The following LRMDA variants were observed in gnomAD, a reference collection of about 807,000 sequenced individuals.
LRMDA encodes the protein leucine-rich melanocyte differentiation-associated protein.
LRMDA carries 18 observed loss-of-function variants against 29.8 expected under a neutral mutation model. The ratio of observed to expected loss-of-function variants is 0.60; its 90% CI spans 0.42 to 0.90. LRMDA has a LOEUF of 0.90. LRMDA is among the 40% of genes least tolerant of loss of function. The probability of loss-of-function intolerance (pLI) is 0.00; values close to 1 mark genes in which losing one functional copy is unlikely to be tolerated. For missense variants in LRMDA, 273 were observed against 273.9 expected, an observed-to-expected ratio of 1.00 and a Z score of 0.02; for synonymous variants, 125 against 109.4, an observed-to-expected ratio of 1.14 and a Z score of -0.89.
Position 76,047,159 on chromosome 10 carries a change from G to A in LRMDA, c.259-5G>A. On this transcript the variant is annotated splice_region_variant and splice_polypyrimidine_tract_variant and intron_variant, in intron 3 of 6. Transcript: ENST00000611255. ...TACTGGACCAAGATTCTTAACCTTT[G>A]TCACATCACTGATTTGGAGAACCTG... 6.2e-7 allele frequency: 1 copy of A among 1,613,882 alleles called. No individual in the cohort carries two copies. Among genetic ancestry groups the A allele is most frequent in the East Asian group, 2.2e-5 (1 of 44,874 alleles).
At chr10:75,714,835 T>TTCCCTTCCTCCTTCTTTCCCTCCC (rs377434405) in intron 2 of LRMDA, among the ~76,000 whole-genome samples, 1 of 125,262 alleles carries the variant, frequency 8.0e-6, no homozygotes, top group Admixed American at 7.6e-5. Flanking sequence ...TCCTCCTTCT[T>TTCCCTTCCTCCTTCTTTCCCTCCC]TCCCTCCCTC....
At chr10:75,576,365 C>A (rs1047554690) in intron 2 of LRMDA, among the ~76,000 whole-genome samples, 4 of 152,218 alleles carry the variant, frequency 2.6e-5, no homozygotes, top group African/African-American at 9.6e-5. Context: ...AGGCAGTAGC[C>A]CCAGTCAGGG....
intron 2 of LRMDA, among the ~76,000 whole-genome samples, chr10:75,530,367 T>A (rs1181267590): frequency 6.6e-6 from 1 of 150,794 alleles, no homozygotes; most frequent in African/African-American, 2.4e-5. Flanking sequence ...AAGGGAGGAG[T>A]TCTTAACTGC....
At chr10:76,300,157 A>G (rs201630605) in intron 5 of LRMDA, among the ~76,000 whole-genome samples, 2 of 152,356 alleles carry the variant, frequency 1.3e-5, no homozygotes, top group East Asian at 3.9e-4. Flanking sequence ...CCATGTACCT[A>G]TGAACATATT....
At chr10:75,574,620 T>G (rs9919519) in intron 2 of LRMDA, among the ~76,000 whole-genome samples, 105 of 152,302 alleles carry the variant, frequency 6.9e-4, no homozygotes, top group African/African-American at 2.3e-3. Context: ...AGGCCCTTCT[T>G]CTTCCCCTCC....
intron 2 of LRMDA, among the ~76,000 whole-genome samples, chr10:75,777,894 A>C (rs1843333661): frequency 6.6e-6 from 1 of 152,208 alleles, no homozygotes; most frequent in Admixed American, 6.5e-5. Context: ...GAATAGTTAT[A>C]TATAATGCAC....
At chr10:75,549,005 C>T (rs1179811611) in intron 2 of LRMDA, among the ~76,000 whole-genome samples, 2 of 152,236 alleles carry the variant, frequency 1.3e-5, no homozygotes, top group African/African-American at 4.8e-5. Flanking sequence ...ACTGTTTCTG[C>T]ATCCACCAAT....
At chr10:75,686,035 G>A (rs143037454) in intron 2 of LRMDA, among the ~76,000 whole-genome samples, 1,938 of 152,266 alleles carry the variant, frequency 0.013, 44 homozygotes, top group Admixed American at 0.035. Context: ...TTTGTTCAAG[G>A]TCACATAGCT....
intron 6 of LRMDA, among the ~76,000 whole-genome samples, chr10:76,329,526 G>T (rs1840878657): frequency 6.6e-6 from 1 of 152,214 alleles, no homozygotes; most frequent in Admixed American, 6.5e-5. Context: ...GAGGAAATTT[G>T]CTGTGAAACT....
In LRMDA at chr10:76,500,857, A is replaced by T. The variant is rs1239419365; in HGVS notation, c.602-56352A>T. ...TATGCTTATTTTCTGCCTTTTTTTA[A>T]AAAAAAAATAAAAGTAACTTCAACA... On this transcript the variant is annotated intron_variant, in intron 6 of 6. Coordinates refer to ENST00000611255, the MANE Select transcript of LRMDA (RefSeq NM_001305581.2). Among the ~76,000 whole-genome samples the T allele has an allele frequency of 1.8e-4, 13 of 70,850 alleles. 2 individuals are homozygous for T. Among genetic ancestry groups the T allele is most frequent in the African/African-American group, 4.3e-4 (13 of 30,082 alleles). The allele number at this position is 70,850 out of a possible 152,430, so 46.5% of individuals were successfully genotyped here.
chr10:76,155,704 G>C (rs1850524568), intron 5 of LRMDA, among the ~76,000 whole-genome samples: 1 of 152,012 alleles, frequency 6.6e-6, no homozygotes, highest in African/African-American at 2.4e-5. Flanking sequence ...TCACATCCAC[G>C]TTGATATTGT....
At position 75,987,884 on chromosome 10, in the gene LRMDA, A is replaced by G. The variant is rs2132456156; in HGVS notation, c.132-48124A>G. 1.3e-5 allele frequency among the ~76,000 whole-genome samples: 2 copies of G among 152,230 alleles called. 1 individual carries two copies. The highest frequency in any genetic ancestry group is 2.9e-5 in the Non-Finnish European group (2 of 68,044). ...GAGTCATAATTTCCTTCATTCAGGA[A>G]TTAGCATGTGCTTTTGAGATTTTGA... is the stretch of plus-strand genomic sequence containing the variant. On this transcript the variant is annotated intron_variant, in intron 2 of 6. Transcript: ENST00000611255.
intron 5 of LRMDA, among the ~76,000 whole-genome samples, chr10:76,062,523 G>A (rs985872390): frequency 2.6e-5 from 4 of 152,104 alleles, no homozygotes; most frequent in African/African-American, 9.7e-5. Flanking sequence ...TTTCTCCTCC[G>A]TGGCTGCCTT....
At chr10:76,075,885 T>C (rs1848948525) in intron 5 of LRMDA, among the ~76,000 whole-genome samples, 1 of 152,174 alleles carries the variant, frequency 6.6e-6, no homozygotes, top group African/African-American at 2.4e-5. Flanking sequence ...CACTCTCCCA[T>C]TGGCTATGGG....
chr10:75,999,835 G>T (rs1340190309), intron 2 of LRMDA, among the ~76,000 whole-genome samples: 3 of 152,194 alleles, frequency 2.0e-5, no homozygotes, highest in Non-Finnish European at 4.4e-5. Context: ...CTTGAAGGAT[G>T]GAAGGAGATT....
intron 5 of LRMDA, among the ~76,000 whole-genome samples, chr10:76,113,210 G>A (rs1486016691): frequency 6.6e-6 from 1 of 151,978 alleles, no homozygotes; most frequent in Non-Finnish European, 1.5e-5. Flanking sequence ...GGGCAATCTA[G>A]TAGGCGTTGA....
chr10:76,476,655 A>T (rs549251404), intron 6 of LRMDA, among the ~76,000 whole-genome samples: 1 of 152,276 alleles, frequency 6.6e-6, no homozygotes, highest in African/African-American at 2.4e-5. Context: ...TCCTCAATAA[A>T]ATACTAGCAA....
intron 5 of LRMDA, among the ~76,000 whole-genome samples, chr10:76,077,240 C>A (rs1261936760): frequency 6.6e-6 from 1 of 152,200 alleles, no homozygotes; most frequent in African/African-American, 2.4e-5. Context: ...CAGGCACCAT[C>A]CTCCTACTTA....
At chr10:75,896,737 T>A (rs1006548885) in intron 2 of LRMDA, among the ~76,000 whole-genome samples, 13 of 152,154 alleles carry the variant, frequency 8.5e-5, no homozygotes, top group Non-Finnish European at 1.3e-4. Context: ...CCTCGTTTAA[T>A]ATTTATCCGC....
Sources: allele counts gnomAD v4.1 joint callset (sites outside exome capture counted in the v4.1 genomes callset), GRCh38; gene constraint gnomAD v4.1.1; transcripts MANE v1.5; gene names NCBI Gene and HGNC (gene_info 2026-07-23, HGNC 2026-07-21).